INPP5D: variants seen among roughly 807,000 people sequenced by gnomAD.
INPP5D encodes the protein phosphatidylinositol 3,4,5-trisphosphate 5-phosphatase 1.
A neutral mutation model predicts 122.9 loss-of-function variants in INPP5D; 33 were observed. The ratio of observed to expected loss-of-function variants is 0.27; its 90% CI spans 0.20 to 0.36. The LOEUF (loss-of-function observed/expected upper bound fraction) is 0.36, where lower values mean the gene tolerates loss of function less well. Among genes scored for constraint, INPP5D ranks in the 10% least tolerant of loss-of-function variants. INPP5D has a pLI of 1.00. For synonymous variants in INPP5D, 584 were observed against 576.2 expected (o/e 1.01, Z -0.19); for missense variants, 1,053 against 1,412.7 (o/e 0.75, Z 4.08).
At chr2:233,195,575 G>A (rs531310222) in intron 24 of INPP5D, 80 bp downstream of exon 24, 141 of 1,591,430 alleles carry the variant, frequency 8.9e-5, no homozygotes, top group Middle Eastern at 8.8e-4. Flanking sequence ...GGCCGGGTGC[G>A]ATGGTTCACG....
chr2:233,138,853 C>T (rs1042031816), intron 5 of INPP5D, among the ~76,000 whole-genome samples: 3 of 152,152 alleles, frequency 2.0e-5, no homozygotes, highest in African/African-American at 7.2e-5. Flanking sequence ...TCACACCACT[C>T]TCCTGCCTCA....
rs564205618 is a variant in INPP5D, at chr2:233,122,246, A to T, written c.338A>T (p.Glu113Val). Residue 113 changes from glutamate to valine, a missense_variant, in exon 3 of 27, where the codon GAG (glutamate) becomes GTG (valine). By Grantham distance (121) the Glu-to-Val change is moderately radical. Around this residue, in one of 6 missense-constraint regions of INPP5D, gnomAD observed 196 missense variants for 175.6 expected, o/e 1.12. Transcript: ENST00000445964. Reference protein sequence around the residue: ...LEEEDTGDDPEEDTVESVVSP... With the variant: ...LEEEDTGDDPVEDTVESVVSP... Reference sequence around the variant, plus strand: ...GAAGAGGACACAGGCGACGACCCTGAGGAGGACACAGGTAGGGAGGGAGGG... The same window carrying T: ...GAAGAGGACACAGGCGACGACCCTGTGGAGGACACAGGTAGGGAGGGAGGG... The T allele has an allele frequency of 6.2e-7, 1 of 1,613,602 alleles. No homozygotes were observed. The highest frequency in any genetic ancestry group is 1.1e-5 in the South Asian group (1 of 91,064).
Position 233,163,720 on chromosome 2 carries a change from T to C in INPP5D, c.1254T>C (p.Pro418=), listed in dbSNP as rs764296244. The C allele has an allele frequency of 6.2e-7, 1 of 1,613,634 alleles. No individual in the cohort carries two copies. The highest frequency in any genetic ancestry group is 8.5e-7 in the Non-Finnish European group (1 of 1,179,816). The change falls in exon 12 of 27, where the codon CCT becomes CCC. Residue 418 remains proline (P), a synonymous_variant. Coordinates refer to ENST00000445964, the MANE Select transcript of INPP5D (RefSeq NM_001017915.3). ...TTGCTGTTGAAGGTAACGCCCCCCC[T>C]CCCAAGAAGATCACGTCCTGGTTTC... is the stretch of plus-strand genomic sequence containing the variant. ...IGTWNMGNAP[P]PKKITSWFLS... is the part of the protein sequence containing the mutation.
chr2:233,151,764 A>G, intron 9 of INPP5D, among the ~76,000 whole-genome samples: 1 of 152,242 alleles, frequency 6.6e-6, no homozygotes, highest in Admixed American at 6.5e-5. Flanking sequence ...AGTGCTTAGC[A>G]CAGAGTAAGT....
chr2:233,097,564 T>C (rs1417537335), intron 2 of INPP5D, among the ~76,000 whole-genome samples: 6 of 152,234 alleles, frequency 3.9e-5, no homozygotes, highest in African/African-American at 1.4e-4. Flanking sequence ...GTGATGTAGC[T>C]TTAATTACCT....
intron 2 of INPP5D, among the ~76,000 whole-genome samples, chr2:233,106,419 A>C (rs1692471824): frequency 6.6e-6 from 1 of 152,338 alleles, no homozygotes; most frequent in Non-Finnish European, 1.5e-5. Flanking sequence ...TAGAAACTCA[A>C]TGTGCCCTTA....
intron 2 of INPP5D, among the ~76,000 whole-genome samples, chr2:233,079,991 G>T (rs528348760): frequency 6.6e-6 from 1 of 152,052 alleles, no homozygotes; most frequent in Admixed American, 6.6e-5. Context: ...GTGCAGTGGC[G>T]CCATGTCGGC....
chr2:233,130,427 T>C, intron 4 of INPP5D, 81 bp from the exon 5 acceptor site: 2 of 1,459,672 alleles, frequency 1.4e-6, no homozygotes, highest in East Asian at 2.3e-5. Context: ...GAGGATTTGT[T>C]ATTGTGGTTG....
Position 233,204,641 on chromosome 2 carries a change from A to T in INPP5D, c.3491A>T (p.Asn1164Ile). The T allele has an allele frequency of 6.3e-7, 1 of 1,584,602 alleles. No homozygotes were observed. The highest frequency in any genetic ancestry group is 8.6e-7 in the Non-Finnish European group (1 of 1,166,790). ...QHSKGRDYRDNTELPHHGKHR... is the reference protein window; with the variant it reads ...QHSKGRDYRDITELPHHGKHR... Reference sequence around the variant, plus strand: ...TCCAAGGGCCGCGACTACCGCGACAACACCGAGCTCCCGCATCACGGCAAG... The same window carrying T: ...TCCAAGGGCCGCGACTACCGCGACATCACCGAGCTCCCGCATCACGGCAAG... The change falls in exon 26 of 27, where the codon AAC (asparagine) becomes ATC (isoleucine). Residue 1164 changes from asparagine to isoleucine, a missense_variant. Transcript: ENST00000445964.
At chr2:233,063,553 C>A (rs899922950) in intron 1 of INPP5D, among the ~76,000 whole-genome samples, 3 of 152,248 alleles carry the variant, frequency 2.0e-5, no homozygotes, top group African/African-American at 7.2e-5. Flanking sequence ...CAGTTCAGTG[C>A]CACCCATGTG....
At position 233,204,551 on chromosome 2, in the gene INPP5D, C is replaced by A; in HGVS notation, c.3401C>A (p.Pro1134Gln). 6.4e-7 allele frequency: 1 copy of A among 1,573,406 alleles called. No homozygotes were observed. Among genetic ancestry groups the A allele is most frequent in the Non-Finnish European group, 8.6e-7 (1 of 1,161,104 alleles). ...AGATCGGAAATCAACCAGCAGACCC[C>A]GCCCACCCCGACGCCGCGGCCGCCG... ...PSRSEINQQT[P>Q]PTPTPRPPLP... The change falls in exon 26 of 27, where the codon CCG (proline) becomes CAG (glutamine). Residue 1134 changes from proline to glutamine, a missense_variant. Physicochemically the swap from Pro to Gln is moderately conservative, Grantham distance 76. Around this residue, in one of 6 missense-constraint regions of INPP5D, gnomAD observed 417 missense variants for 425.8 expected, o/e 0.98. Transcript: ENST00000445964.
At position 233,158,079 on chromosome 2, in the gene INPP5D, G is replaced by T. The variant is rs575626484; in HGVS notation, c.1031-234G>T. 5.9e-5 allele frequency among the ~76,000 whole-genome samples: 9 copies of T among 152,250 alleles called. No homozygotes were observed. In the East Asian group the frequency reaches 1.7e-3, roughly 29 times the overall value. On this transcript the variant is annotated intron_variant, in intron 9 of 26. Transcript: ENST00000445964. The stretch of plus-strand genomic sequence containing the variant: ...GGGAGAAAGATGAAAAGACGATCAC[G>T]CTGTCTCTGCTCTGGACAGGCCAAC...
chr2:233,107,364 C>G (rs999439828), intron 2 of INPP5D, among the ~76,000 whole-genome samples: 48 of 152,142 alleles, frequency 3.2e-4, no homozygotes, highest in Non-Finnish European at 6.0e-4. Context: ...TGGGTGGGCA[C>G]AGGGAATGTA....
intron 2 of INPP5D, among the ~76,000 whole-genome samples, chr2:233,111,831 C>T (rs543681102): frequency 3.1e-4 from 47 of 152,224 alleles, no homozygotes; most frequent in African/African-American, 9.1e-4. Context: ...GAGACCGAGA[C>T]GGGCAAATCA....
At chr2:233,165,265 G>A (rs1220689664) in intron 13 of INPP5D, among the ~76,000 whole-genome samples, 1 of 152,144 alleles carries the variant, frequency 6.6e-6, no homozygotes, top group African/African-American at 2.4e-5. Context: ...CTATATGTGT[G>A]TGAATCTATG....
intron 1 of INPP5D, among the ~76,000 whole-genome samples, chr2:233,063,290 A>C (rs1173017469): frequency 6.6e-6 from 1 of 152,186 alleles, no homozygotes; most frequent in Admixed American, 6.5e-5. Flanking sequence ...TACCTGCCCC[A>C]TGGCCCCTCA....
intron 2 of INPP5D, among the ~76,000 whole-genome samples, chr2:233,081,485 A>G (rs1691687213): frequency 6.6e-6 from 1 of 152,182 alleles, no homozygotes; most frequent in African/African-American, 2.4e-5. Context: ...TGTGGCTTCT[A>G]GTAGAGTCGG....
chr2:233,163,080 G>A (rs1694237714), intron 11 of INPP5D, among the ~76,000 whole-genome samples: 1 of 152,226 alleles, frequency 6.6e-6, no homozygotes, highest in Admixed American at 6.5e-5. Context: ...CCAATGCTTG[G>A]CTTCTTTGCA....
At chr2:233,205,457 G>C (rs1239240869) in intron 26 of INPP5D, 1 of 150,532 alleles carries the variant, frequency 6.6e-6, no homozygotes, top group African/African-American at 2.4e-5. Context: ...CGCCTCCTGG[G>C]TTCAAGCGAT....
Sources: allele counts gnomAD v4.1 joint callset (sites outside exome capture counted in the v4.1 genomes callset), GRCh38; gene constraint gnomAD v4.1.1; regional missense constraint gnomAD v4.1.1; transcripts MANE v1.5; gene names NCBI Gene and HGNC (gene_info 2026-07-23, HGNC 2026-07-21).